PSD2: variants seen among roughly 807,000 people sequenced by gnomAD.
PSD2 encodes PH and SEC7 domain-containing protein 2.
A neutral mutation model predicts 69.8 loss-of-function variants in PSD2; 38 were observed. That is an observed-to-expected ratio of 0.54 (90% CI 0.42 to 0.71). PSD2 has a LOEUF of 0.71. PSD2 is among the 30% of genes least tolerant of loss of function. The pLI is 0.00. For missense variants in PSD2, 943 were observed against 1,014.5 expected, an observed-to-expected ratio of 0.93 and a Z score of 0.96; for synonymous variants, 412 against 423.0, an observed-to-expected ratio of 0.97 and a Z score of 0.32.
At chr5:139,810,065 G>C (rs1759921718) in intron 2 of PSD2, among the ~76,000 whole-genome samples, 1 of 151,830 alleles carries the variant, frequency 6.6e-6, no homozygotes, top group African/African-American at 2.4e-5. Flanking sequence ...AGGGGGTGGG[G>C]GGTGCTGCCC....
upstream of PSD2, among the ~76,000 whole-genome samples, chr5:139,792,842 CTTT>C (rs899746672): frequency 1.5e-5 from 2 of 134,106 alleles, no homozygotes; most frequent in African/African-American, 5.8e-5. Context: ...TCCTTTCTTT[CTTT>C]TTTTCTTTCT....
chr5:139,760,917 C>T, the PSD2 span, among the ~76,000 whole-genome samples: 1 of 152,146 alleles, frequency 6.6e-6, no homozygotes, highest in Non-Finnish European at 1.5e-5. Context: ...AGCAGCCTGC[C>T]CCGGGGATCT....
In PSD2 at chr5:139,842,311, A is replaced by G. The variant is rs771282775; in HGVS notation, c.2153A>G (p.Lys718Arg). 1 of 1,614,170 alleles carries G rather than the reference A, an allele frequency of 6.2e-7. No individual in the cohort carries two copies. The highest frequency in any genetic ancestry group is 1.7e-5 in the Admixed American group (1 of 60,022). ...YETYIHLLAM[K>R]IKVGSDDLER... is the part of the protein sequence containing the mutation. ...ACCTATATCCACCTCCTGGCTATGA[A>G]AATCAAAGTGGGCTCAGATGATCTG... The change falls in exon 15 of 15, where the codon AAA (lysine) becomes AGA (arginine). Residue 718 changes from lysine to arginine, a missense_variant. By Grantham distance (26) the Lys-to-Arg change is conservative (BLOSUM62 2). Around this residue, in one of 3 missense-constraint regions of PSD2, gnomAD observed 165 missense variants for 168.8 expected, o/e 0.98. Coordinates refer to ENST00000274710, the MANE Select transcript of PSD2 (RefSeq NM_032289.4).
upstream of PSD2, among the ~76,000 whole-genome samples, chr5:139,791,093 T>C (rs777086246): frequency 6.6e-6 from 1 of 151,732 alleles, no homozygotes; most frequent in Non-Finnish European, 1.5e-5. Flanking sequence ...CCATTCCAGG[T>C]GGACCTGGCT....
chr5:139,819,685 T>C (rs949797470), intron 5 of PSD2, among the ~76,000 whole-genome samples: 1 of 152,230 alleles, frequency 6.6e-6, no homozygotes, highest in Non-Finnish European at 1.5e-5. Context: ...CTTTGTTGCC[T>C]CAGCAATTTT....
intron 3 of PSD2, 124 bp downstream of exon 3, chr5:139,813,882 T>A: frequency 1.2e-6 from 1 of 846,118 alleles, no homozygotes; most frequent in Non-Finnish European, 1.8e-6. Flanking sequence ...GGTCACCTGG[T>A]CTACCCTCTG....
At chr5:139,791,262 T>C (rs2126913049), upstream of PSD2, among the ~76,000 whole-genome samples, 1 of 152,138 alleles carries the variant, frequency 6.6e-6, no homozygotes, top group Non-Finnish European at 1.5e-5. Context: ...AAACTCCATC[T>C]CTACAAAAAA....
At chr5:139,750,025 T>TA in the PSD2 span, among the ~76,000 whole-genome samples, 2,747 of 119,636 alleles carry the variant, frequency 0.023, 30 homozygotes, top group East Asian at 0.074. Context: ...GAGACCGTCT[T>TA]AAAAAAAAAA....
At position 139,813,380 on chromosome 5, in the gene PSD2, A is replaced by T; in HGVS notation, c.443A>T (p.Glu148Val). The change falls in exon 3 of 15, where the codon GAG becomes GTG. Residue 148 changes from glutamate (E) to valine (V), a missense_variant. By Grantham distance (121) the Glu-to-Val change is moderately radical (BLOSUM62 -2). Coordinates refer to ENST00000274710, the MANE Select transcript of PSD2 (RefSeq NM_032289.4). ...SATFEKILESELLRGTQYSSL... is the reference protein window; with the variant it reads ...SATFEKILESVLLRGTQYSSL... ...ACGTTTGAGAAGATTCTGGAGTCAG[A>T]GCTGCTGCGGGGCACCCAGTACAGC... The T allele has an allele frequency of 1.2e-6, 2 of 1,601,640 alleles. No homozygotes were observed. Among genetic ancestry groups the T allele is most frequent in the Non-Finnish European group, 1.7e-6 (2 of 1,170,098 alleles).
At chr5:139,754,833 C>T in the PSD2 span, among the ~76,000 whole-genome samples, 1 of 152,076 alleles carries the variant, frequency 6.6e-6, no homozygotes, top group Admixed American at 6.5e-5. Context: ...GCTGTGATTG[C>T]ATCACTGCAT....
Position 139,833,709 on chromosome 5 carries a change from G to T in PSD2, c.1277G>T (p.Gly426Val). The T allele has an allele frequency of 6.2e-7, 1 of 1,613,226 alleles. No homozygotes were observed. The highest frequency in any genetic ancestry group is 8.5e-7 in the Non-Finnish European group (1 of 1,179,232). ...ACCATTTCTCCATTACAGAACATTG[G>T]CAAAAAGATGTCCTGTCAGCAATTC... is the stretch of plus-strand genomic sequence containing the variant. ...LNTDLHGHNIGKKMSCQQFIA... is the reference protein window; with the variant it reads ...LNTDLHGHNIVKKMSCQQFIA... Residue 426 changes from glycine to valine, a missense_variant, in exon 8 of 15, where the codon GGC (glycine) becomes GTC (valine). Around this residue, in one of 3 missense-constraint regions of PSD2, gnomAD observed 312 missense variants for 400.7 expected, o/e 0.78. Transcript: ENST00000274710.
At chr5:139,827,597 A>C (rs1382820021) in intron 7 of PSD2, among the ~76,000 whole-genome samples, 1 of 152,250 alleles carries the variant, frequency 6.6e-6, no homozygotes, top group Non-Finnish European at 1.5e-5. Flanking sequence ...ATTGCTATAA[A>C]GAACTTCCCT....
Position 139,836,931 on chromosome 5 carries a change from G to C in PSD2, c.1524G>C (p.Ala508=). 1.2e-6 allele frequency: 2 copies of C among 1,614,122 alleles called. No individual in the cohort carries two copies. The highest frequency in any genetic ancestry group is 1.7e-6 in the Non-Finnish European group (2 of 1,180,020). ...GGNPFLDVPQ[A]LSATTYKHGV... The stretch of plus-strand genomic sequence containing the variant: ...ACCCCTTCCTGGATGTCCCACAGGC[G>C]CTCAGTGCCACCACCTACAAGCACG... The change falls in exon 10 of 15, where the codon GCG becomes GCC. Residue 508 remains alanine (A), a synonymous_variant. Transcript: ENST00000274710.
Position 139,844,058 on chromosome 5 carries a change from A to AC in PSD2, c.*1587dup, listed in dbSNP as rs997326272. On this transcript the variant is annotated 3_prime_UTR_variant, in exon 15 of 15. Transcript: ENST00000274710. The stretch of plus-strand genomic sequence containing the variant: ...TTGGATCAGCTGAAGTGTGTTTTAG[A>AC]CCCAAACCATCTGGCCCCTTCGTTT... The AC allele has an allele frequency of 6.6e-6, 1 of 152,224 alleles. No homozygotes were observed. Among genetic ancestry groups the AC allele is most frequent in the Admixed American group, 6.5e-5 (1 of 15,286 alleles). 9.4% of individuals were successfully genotyped at this position (152,224 alleles called of 1,614,324 possible). A position where few individuals can be genotyped will look rare whatever the true frequency, so the allele number is the denominator to read the frequency against.
chr5:139,758,433 G>A, the PSD2 span, among the ~76,000 whole-genome samples: 1 of 152,134 alleles, frequency 6.6e-6, no homozygotes, highest in Non-Finnish European at 1.5e-5. Context: ...AGGCTGTAAA[G>A]TGCTGCGGAC....
the PSD2 span, among the ~76,000 whole-genome samples, chr5:139,744,145 C>G: frequency 6.6e-6 from 1 of 152,172 alleles, no homozygotes; most frequent in Non-Finnish European, 1.5e-5. Context: ...AAGTATGAGA[C>G]GACCCCTTCT....
the PSD2 span, among the ~76,000 whole-genome samples, chr5:139,759,340 G>T: frequency 6.6e-6 from 1 of 151,886 alleles, no homozygotes; most frequent in Admixed American, 6.6e-5. Flanking sequence ...GCTTGGCGGC[G>T]CCTCGTTTCC....
Position 139,817,467 on chromosome 5 carries a change from T to C in PSD2, c.1017-14T>C, listed in dbSNP as rs199518668. On this transcript the variant is annotated splice_polypyrimidine_tract_variant and intron_variant, in intron 4 of 14. Transcript: ENST00000274710. ...GACCCTGCTTCTAACAGACATCCCA[T>C]ACTCTCCTGGCAGCAACGAGTTTAG... 1.4e-5 allele frequency: 23 copies of C among 1,612,142 alleles called. No individual in the cohort carries two copies. Among genetic ancestry groups the C allele is most frequent in the Non-Finnish European group, 2.0e-5 (23 of 1,178,240 alleles).
In PSD2 at chr5:139,809,659, T is replaced by C. The variant is rs1485628242; in HGVS notation, c.219T>C (p.Leu73=). Residue 73 remains leucine, a synonymous_variant, in exon 2 of 15, where the codon CTT becomes CTC. Transcript: ENST00000274710. ...ATGTGGCCTTCCATGGCCTCAGCCTTGGCCTCTCTCTCACCAATGGCCTAG... is the reference window on the plus strand; with the variant it reads ...ATGTGGCCTTCCATGGCCTCAGCCTCGGCCTCTCTCTCACCAATGGCCTAG... ...DPDVAFHGLS[L]GLSLTNGLAL... 4.3e-6 allele frequency: 7 copies of C among 1,614,258 alleles called. No homozygotes were observed. The highest frequency in any genetic ancestry group is 5.9e-6 in the Non-Finnish European group (7 of 1,180,040).
Sources: gnomAD v4.1 joint callset for allele counts (sites outside exome capture counted in the v4.1 genomes callset) on GRCh38, gnomAD v4.1.1 for gene constraint, gnomAD v4.1.1 regional missense constraint, MANE v1.5 for transcripts, NCBI Gene and HGNC (gene_info 2026-07-23, HGNC 2026-07-21) for gene names.